SORCS1: variants seen among roughly 807,000 people sequenced by gnomAD.
The protein encoded by SORCS1 is sortilin related VPS10 domain containing receptor 1, also known as VPS10 domain-containing receptor SorCS1.
Under a neutral mutation model 146.1 loss-of-function variants are expected in SORCS1, and 60 were observed. The ratio of observed to expected loss-of-function variants is 0.41; its 90% CI spans 0.33 to 0.51. The LOEUF (loss-of-function observed/expected upper bound fraction) is 0.51. Ranked by LOEUF, SORCS1 falls within the 20% of genes least tolerant of loss-of-function variation. The probability of loss-of-function intolerance (pLI) is 0.21; values close to 1 mark genes in which losing one functional copy is unlikely to be tolerated. For synonymous variants in SORCS1, 637 were observed against 584.0 expected (o/e 1.09, Z -1.31); for missense variants, 1,352 against 1,487.6 (o/e 0.91, Z 1.50).
At chr10:107,109,941 A>C (rs1350856373) in intron 1 of SORCS1, among the ~76,000 whole-genome samples, 1 of 152,176 alleles carries the variant, frequency 6.6e-6, no homozygotes, top group Non-Finnish European at 1.5e-5. Flanking sequence ...CATCACCCTC[A>C]ATTCCAAACT....
At chr10:106,722,649 A>C (rs553112169) in intron 6 of SORCS1, among the ~76,000 whole-genome samples, 20 of 152,332 alleles carry the variant, frequency 1.3e-4, no homozygotes, top group African/African-American at 4.3e-4. Context: ...CACTGGGACC[A>C]GTAATTGTCC....
chr10:106,841,351 T>G (rs1029898562), intron 2 of SORCS1, among the ~76,000 whole-genome samples: 2 of 151,892 alleles, frequency 1.3e-5, no homozygotes, highest in Non-Finnish European at 2.9e-5. Flanking sequence ...GCGCCTGTAA[T>G]CCCAGCTACT....
intron 3 of SORCS1, among the ~76,000 whole-genome samples, chr10:106,806,974 A>G (rs183621068): frequency 6.5e-4 from 99 of 152,280 alleles, no homozygotes; most frequent in Admixed American, 2.1e-3. Context: ...CCTGAACACA[A>G]TATCAATAAA....
chr10:107,109,454 A>T (rs1965531332), intron 1 of SORCS1, among the ~76,000 whole-genome samples: 1 of 152,162 alleles, frequency 6.6e-6, no homozygotes. Context: ...CAGTAGCCTG[A>T]GCTATATCTG....
chr10:106,969,899 T>G (rs1410772270), intron 1 of SORCS1: 1 of 152,242 alleles, frequency 6.6e-6, no homozygotes, highest in Admixed American at 6.5e-5. Flanking sequence ...CCCCATTAGA[T>G]GCTCATTAAG....
chr10:106,620,245 G>GGTC, intron 20 of SORCS1, 183 bp downstream of exon 20: 1 of 624,404 alleles, frequency 1.6e-6, no homozygotes. Context: ...GGTGGAGAGG[G>GGTC]GCCAGAGAGA....
At chr10:107,141,537 T>C (rs888775445) in intron 1 of SORCS1, among the ~76,000 whole-genome samples, 5 of 152,206 alleles carry the variant, frequency 3.3e-5, no homozygotes, top group Admixed American at 6.5e-5. Flanking sequence ...CTCAAAATTG[T>C]TCCTGGCTCA....
chr10:107,055,432 T>C (rs1171413877), intron 1 of SORCS1, among the ~76,000 whole-genome samples: 1 of 152,246 alleles, frequency 6.6e-6, no homozygotes, highest in Non-Finnish European at 1.5e-5. Context: ...GCAATGACGA[T>C]GACTTTGGTA....
intron 19 of SORCS1, among the ~76,000 whole-genome samples, chr10:106,621,808 A>G (rs1480173416): frequency 3.3e-5 from 5 of 152,070 alleles, no homozygotes; most frequent in African/African-American, 4.8e-5. Flanking sequence ...TCTCTCTAAG[A>G]TATTTAGCTC....
At chr10:107,042,611 A>T (rs1040013952) in intron 1 of SORCS1, among the ~76,000 whole-genome samples, 2 of 143,732 alleles carry the variant, frequency 1.4e-5, no homozygotes, top group Non-Finnish European at 3.0e-5. Context: ...GAAGTGAACT[A>T]TTTTTTTTTT....
intron 1 of SORCS1, among the ~76,000 whole-genome samples, chr10:107,088,065 C>T (rs1963893523): frequency 2.0e-5 from 3 of 151,904 alleles, no homozygotes; most frequent in Non-Finnish European, 4.4e-5. Flanking sequence ...ACTACAGGCA[C>T]CCACCACCAC....
At chr10:107,030,718 G>A (rs1052973427) in intron 1 of SORCS1, among the ~76,000 whole-genome samples, 2 of 152,118 alleles carry the variant, frequency 1.3e-5, no homozygotes, top group African/African-American at 2.4e-5. Flanking sequence ...TTTAAAGGCA[G>A]GCCTCATTTT....
intron 1 of SORCS1, among the ~76,000 whole-genome samples, chr10:107,129,752 CT>C (rs1966849078): frequency 6.6e-6 from 1 of 152,194 alleles, no homozygotes; most frequent in Admixed American, 6.5e-5. Context: ...CTCAGTGCCC[CT>C]AATAACTTCT....
At chr10:106,853,990 G>A (rs1199245309) in intron 2 of SORCS1, among the ~76,000 whole-genome samples, 1 of 151,794 alleles carries the variant, frequency 6.6e-6, no homozygotes, top group Non-Finnish European at 1.5e-5. Context: ...GTGTTGTTGA[G>A]TTCAAATATG....
intron 2 of SORCS1, among the ~76,000 whole-genome samples, chr10:106,850,175 C>G (rs2137262182): frequency 6.6e-6 from 1 of 151,914 alleles, no homozygotes; most frequent in Non-Finnish European, 1.5e-5. Flanking sequence ...GCGGGCGCCC[C>G]TCCCCCAGCC....
intron 6 of SORCS1, among the ~76,000 whole-genome samples, chr10:106,710,351 G>T (rs186791707): frequency 1.3e-5 from 2 of 148,288 alleles, no homozygotes; most frequent in Admixed American, 1.4e-4. Context: ...GGAGGCTGAG[G>T]CAACAGAATC....
chr10:107,022,168 G>A (rs1958180359), intron 1 of SORCS1, among the ~76,000 whole-genome samples: 1 of 152,128 alleles, frequency 6.6e-6, no homozygotes, highest in Non-Finnish European at 1.5e-5. Flanking sequence ...GTGGTTCTTG[G>A]CATACCCTCT....
At chr10:106,952,412 G>A (rs2138927397) in intron 2 of SORCS1, among the ~76,000 whole-genome samples, 1 of 152,000 alleles carries the variant, frequency 6.6e-6, no homozygotes, top group Admixed American at 6.6e-5. Context: ...CCTGAGCCCT[G>A]TCCTCTACCC....
At chr10:106,981,076 A>C (rs1268920129) in intron 1 of SORCS1, among the ~76,000 whole-genome samples, 3 of 152,082 alleles carry the variant, frequency 2.0e-5, no homozygotes, top group African/African-American at 7.2e-5. Context: ...CACAATTTAG[A>C]TAGGAATGAC....
Sources: allele counts gnomAD v4.1 joint callset (sites outside exome capture counted in the v4.1 genomes callset), GRCh38; gene constraint gnomAD v4.1.1; transcripts MANE v1.5; gene names NCBI Gene and HGNC (gene_info 2026-07-23, HGNC 2026-07-21).